The following SLC9A6 variants were observed in gnomAD, a reference collection of about 807,000 sequenced individuals.
The protein encoded by SLC9A6 is solute carrier family 9 member A6.
SLC9A6 carries 6 observed loss-of-function variants against 45.3 expected under a neutral mutation model. That is an observed-to-expected ratio of 0.13 (90% CI 0.07 to 0.26). The LOEUF is 0.26. Among genes scored for constraint, SLC9A6 ranks in the 10% least tolerant of loss-of-function variants. The pLI is 1.00. For synonymous variants in SLC9A6, 191 were observed against 187.7 expected (o/e 1.02, Z -0.14); for missense variants, 278 against 503.7 (o/e 0.55, Z 4.29).
At chrX:136,020,511 C>T (rs910871033) in intron 11 of SLC9A6, among the ~76,000 whole-genome samples, 1 of 111,197 alleles carries the variant, frequency 9.0e-6, no homozygotes, top group Non-Finnish European at 1.9e-5. Flanking sequence ...TCTGAGATTA[C>T]AGGCATGCGC....
At chrX:136,015,467 G>A (rs1408382307) in intron 10 of SLC9A6, among the ~76,000 whole-genome samples, 1 of 111,498 alleles carries the variant, frequency 9.0e-6, no homozygotes, top group Non-Finnish European at 1.9e-5. Flanking sequence ...CTTGCTGGCT[G>A]TGTGACCAGG....
At chrX:136,033,059 T>G (rs781796359) in intron 15 of SLC9A6, 3 of 148,360 alleles carry the variant, frequency 2.0e-5, no homozygotes, top group African/African-American at 9.6e-5. Context: ...AAACGGGGTT[T>G]CACCATGTTG....
chrX:136,029,123 G>C, intron 14 of SLC9A6, 148 bp downstream of exon 14: 1 of 255,616 alleles, frequency 3.9e-6, no homozygotes, highest in Non-Finnish European at 6.9e-6. Context: ...ATGAGGGAAA[G>C]CACATTGCAG....
At position 136,044,020 on chromosome X, in the gene SLC9A6, A is replaced by G. The variant is rs781828443; in HGVS notation, c.1768-432A>G. Among the ~76,000 whole-genome samples, 3 of 112,120 alleles carry G rather than the reference A, an allele frequency of 2.7e-5. No homozygotes were observed. The South Asian group carries it at 1.1e-3, about 42-fold the overall frequency. On this transcript the variant is annotated intron_variant, in intron 17 of 17. Transcript: ENST00000630721. ...CAGTTATAGCTCAAGGGTAAGTGCC[A>G]CTACAGGGAGAGGGCCAAGTATAGG...
intron 8 of SLC9A6, among the ~76,000 whole-genome samples, chrX:136,011,479 T>C (rs1410696835): frequency 1.8e-5 from 2 of 110,400 alleles, no homozygotes; most frequent in Non-Finnish European, 3.8e-5. Flanking sequence ...TGACGTCAAG[T>C]GATCCACCCA....
intron 1 of SLC9A6, chrX:135,975,072 AG>A: frequency 7.4e-6 from 1 of 134,739 alleles, no homozygotes; most frequent in Non-Finnish European, 1.5e-5. Context: ...CCACCGCTTC[AG>A]CCAGCAAAGG....
chrX:136,006,679 A>G (rs187339099), intron 7 of SLC9A6, among the ~76,000 whole-genome samples: 275 of 110,422 alleles, frequency 2.5e-3, no homozygotes, highest in Admixed American at 4.3e-3. Context: ...ATTCCACTGA[A>G]TGGATTACCG....
In SLC9A6 at chrX:136,006,858, A is replaced by G. The variant is rs1034822879; in HGVS notation, c.744-3584A>G. ...ATCAGTAGCCATTTCTACCTATTCA[A>G]TTAACAAGACATAACTTTTTTTTTT... On this transcript the variant is annotated intron_variant, in intron 7 of 17. Coordinates refer to ENST00000630721, the MANE Select transcript of SLC9A6 (RefSeq NM_001379110.1). Among the ~76,000 whole-genome samples, 3 of 111,059 alleles carry G rather than the reference A, an allele frequency of 2.7e-5. No homozygotes were observed. In the South Asian group the frequency reaches 1.1e-3, roughly 42 times the overall value.
At chrX:135,975,977 T>TA (rs199760303) in intron 1 of SLC9A6, among the ~76,000 whole-genome samples, 1,175 of 21,038 alleles carry the variant, frequency 0.056, 43 homozygotes, top group East Asian at 0.38. Flanking sequence ...ACCCTTTCTC[T>TA]AACCAAAAAA....
chrX:135,999,734 CTGA>C (rs1409771349), intron 6 of SLC9A6, among the ~76,000 whole-genome samples: 2 of 111,826 alleles, frequency 1.8e-5, no homozygotes, highest in Non-Finnish European at 3.8e-5. Flanking sequence ...GGAACATAGA[CTGA>C]TGTTTTTGAA....
chrX:135,985,799 G>T lies in SLC9A6; in HGVS notation c.141G>T (p.Leu47=). ...WLFKHRRARF[L]HETGLAMIYG... ...TCAAGCACCGCCGGGCCCGCTTCCT[G>T]CACGAAACCGGCCTGGCTATGATTT... Residue 47 remains leucine (L), a synonymous_variant, in exon 2 of 18, where the codon CTG becomes CTT. Transcript: ENST00000630721. 8.3e-7 allele frequency: 1 copy of T among 1,211,364 alleles called. No individual in the cohort carries two copies. Among genetic ancestry groups the T allele is most frequent in the Non-Finnish European group, 1.1e-6 (1 of 895,441 alleles).
chrX:136,011,566 C>T (rs1483857526), intron 8 of SLC9A6, among the ~76,000 whole-genome samples: 1 of 111,460 alleles, frequency 9.0e-6, no homozygotes, highest in Non-Finnish European at 1.9e-5. Flanking sequence ...AAACCCCCCA[C>T]CCAAAACAAA....
intron 7 of SLC9A6, among the ~76,000 whole-genome samples, chrX:136,006,339 C>T (rs1402397218): frequency 9.2e-6 from 1 of 108,324 alleles, no homozygotes; most frequent in African/African-American, 3.4e-5. Context: ...TTCAAGGGTA[C>T]ATGTGCAGGA....
At chrX:135,996,063 A>T (rs1340166844) in intron 3 of SLC9A6, among the ~76,000 whole-genome samples, 9 of 44,435 alleles carry the variant, frequency 2.0e-4, no homozygotes, top group Non-Finnish European at 1.6e-4. Context: ...ACAGGGTTTT[A>T]CTCTGTCACC....
chrX:136,031,195 C>G (rs1339420020), intron 15 of SLC9A6, among the ~76,000 whole-genome samples: 1 of 111,837 alleles, frequency 8.9e-6, no homozygotes, highest in African/African-American at 3.3e-5. Flanking sequence ...GATAATTCCT[C>G]AGTGCCTCCT....
At chrX:136,039,518 C>A (rs183301876) in intron 16 of SLC9A6, among the ~76,000 whole-genome samples, 19 of 111,483 alleles carry the variant, frequency 1.7e-4, no homozygotes, top group Non-Finnish European at 3.2e-4. Flanking sequence ...TTTGACTTGC[C>A]TTTCCTTCTT....
At chrX:135,983,410 C>G (rs1407725763), upstream of SLC9A6, 1 of 109,480 alleles carries the variant, frequency 9.1e-6, no homozygotes, top group Admixed American at 9.8e-5. Context: ...AGGAGCACAC[C>G]GACTAACATG....
intron 16 of SLC9A6, among the ~76,000 whole-genome samples, chrX:136,038,479 GA>G (rs1247696824): frequency 9.0e-6 from 1 of 111,647 alleles, no homozygotes; most frequent in Non-Finnish European, 1.9e-5. Flanking sequence ...CTATTTTTAT[GA>G]ACAATATTGG....
At chrX:136,014,785 CA>C (rs1205622829) in intron 10 of SLC9A6, among the ~76,000 whole-genome samples, 2 of 112,432 alleles carry the variant, frequency 1.8e-5, no homozygotes, top group East Asian at 5.6e-4. Context: ...AAACAAACAA[CA>C]AAAAACTAGA....
Sources: allele counts gnomAD v4.1 joint callset (sites outside exome capture counted in the v4.1 genomes callset), GRCh38; gene constraint gnomAD v4.1.1; transcripts MANE v1.5; gene names NCBI Gene and HGNC (gene_info 2026-07-23, HGNC 2026-07-21).